Variants in THAP5 observed in about 807,000 individuals in gnomAD.
THAP5 encodes the protein THAP domain-containing protein 5.
In THAP5, 26 loss-of-function variants were observed where a neutral mutation model predicts 34.0. The observed-to-expected ratio is 0.77, with a 90% CI of 0.56 to 1.06. The LOEUF (loss-of-function observed/expected upper bound fraction) is 1.06. THAP5 is among the 50% of genes least tolerant of loss of function. THAP5 has a pLI of 0.00. For synonymous variants in THAP5, 125 were observed against 153.0 expected, an observed-to-expected ratio of 0.82 and a Z score of 1.35; for missense variants, 394 against 452.8, an observed-to-expected ratio of 0.87 and a Z score of 1.18.
chr7:108,551,071 T>C (rs1403760064), downstream of THAP5, among the ~76,000 whole-genome samples: 2 of 152,244 alleles, frequency 1.3e-5, no homozygotes, highest in African/African-American at 2.4e-5. Flanking sequence ...AAAGGTATCA[T>C]GTTTTTGTTT....
chr7:108,565,989 C>A lies in THAP5; in HGVS notation c.114G>T (p.Lys38Asn). ...AATCTCGCTTCATATTCTTTAACCA[C>A]TTTTCCAGTCTTTCTTTGTCATGTA... is the stretch of plus-strand genomic sequence containing the variant. The part of the protein sequence containing the change: ...FPLHDKERLE[K>N]WLKNMKRDSW... Residue 38 changes from lysine to asparagine, a missense_variant, in exon 2 of 3, where the codon AAG becomes AAT. By Grantham distance (94) the Lys-to-Asn change is moderately conservative (BLOSUM62 0). Transcript: ENST00000415914. 6.5e-7 allele frequency: 1 copy of A among 1,536,560 alleles called. No individual in the cohort carries two copies. The highest frequency in any genetic ancestry group is 8.8e-7 in the Non-Finnish European group (1 of 1,142,388).
At chr7:108,546,474 C>T in the THAP5 span, among the ~76,000 whole-genome samples, 1 of 152,102 alleles carries the variant, frequency 6.6e-6, no homozygotes, top group Non-Finnish European at 1.5e-5. Flanking sequence ...CACCGCTGCC[C>T]CTGAAAAGTT....
chr7:108,543,091 T>A, the THAP5 span, among the ~76,000 whole-genome samples: 1 of 151,888 alleles, frequency 6.6e-6, no homozygotes, highest in Non-Finnish European at 1.5e-5. Context: ...CACGCCCGGC[T>A]AATTTTTTTG....
chr7:108,553,427 G>T (rs1208665301), downstream of THAP5, among the ~76,000 whole-genome samples: 3 of 152,162 alleles, frequency 2.0e-5, no homozygotes, highest in Non-Finnish European at 2.9e-5. Flanking sequence ...CAGCATAACC[G>T]TAATTGCACT....
the THAP5 span, among the ~76,000 whole-genome samples, chr7:108,545,789 G>A: frequency 3.9e-5 from 6 of 152,048 alleles, no homozygotes; most frequent in Admixed American, 3.3e-4. Flanking sequence ...GAGTCTTAGA[G>A]TCAATATTTT....
chr7:108,564,824 G>A lies in THAP5; in HGVS notation c.555C>T (p.Asn185=), dbSNP rs141982321. ...KPESTLETSV[N]QDTGRGGFHT... ...GAAAACCACCTCTACCTGTATCTTGGTTAACTGATGTTTCCAAGGTAGATT... is the reference window on the plus strand; with the variant it reads ...GAAAACCACCTCTACCTGTATCTTGATTAACTGATGTTTCCAAGGTAGATT... The change falls in exon 3 of 3, where the codon AAC becomes AAT. Residue 185 remains asparagine (N), a synonymous_variant. Coordinates refer to ENST00000415914, the MANE Select transcript of THAP5 (RefSeq NM_001130475.3). 3.2e-3 allele frequency: 5,110 copies of A among 1,613,158 alleles called. 133 individuals carry two copies. In the African/African-American group the frequency reaches 0.06, roughly 19 times the overall value.
upstream of THAP5, chr7:108,569,720 C>T: frequency 2.0e-6 from 2 of 1,015,814 alleles, no homozygotes; most frequent in Non-Finnish European, 2.9e-6. Context: ...GACTCACTTC[C>T]GCCTCCTCCG....
In THAP5 at chr7:108,569,631, G is replaced by T; in HGVS notation, c.-62C>A. On this transcript the variant is annotated 5_prime_UTR_variant, in exon 1 of 3. Transcript: ENST00000415914. ...CGGATGCAGGGCGGCCCTCCTCACTGAGGATGCGCCACAGGTCCAGGCCTC... is the reference window on the plus strand; with the variant it reads ...CGGATGCAGGGCGGCCCTCCTCACTTAGGATGCGCCACAGGTCCAGGCCTC... 1 of 1,540,952 alleles carries T rather than the reference G, an allele frequency of 6.5e-7. No homozygotes were observed.
chr7:108,542,122 A>G, the THAP5 span, among the ~76,000 whole-genome samples: 1 of 152,166 alleles, frequency 6.6e-6, no homozygotes, highest in Non-Finnish European at 1.5e-5. Flanking sequence ...TTGTATTGCT[A>G]TTCTGTCACT....
chr7:108,551,160 A>G (rs969939641), downstream of THAP5, among the ~76,000 whole-genome samples: 1 of 152,178 alleles, frequency 6.6e-6, no homozygotes, highest in African/African-American at 2.4e-5. Context: ...TCTTATGACT[A>G]CATAATCTGT....
At position 108,564,329 on chromosome 7, in the gene THAP5, T is replaced by C. The variant is rs776178464; in HGVS notation, c.1050A>G (p.Leu350=). Residue 350 remains leucine (L), a synonymous_variant, in exon 3 of 3, where the codon TTA becomes TTG. Coordinates refer to ENST00000415914, the MANE Select transcript of THAP5 (RefSeq NM_001130475.3). ...KLHSKITLLE[L]KEQQTLGRLK... is the part of the protein sequence containing the mutation. Reference sequence around the variant, plus strand: ...ATCTACCTAGAGTTTGTTGCTCTTTTAACTCTAGAAGAGTTATCTTTGAAT... The same window carrying C: ...ATCTACCTAGAGTTTGTTGCTCTTTCAACTCTAGAAGAGTTATCTTTGAAT... 2.6e-5 allele frequency: 42 copies of C among 1,613,920 alleles called. 1 individual carries two copies. The highest frequency in any genetic ancestry group is 3.4e-5 in the Non-Finnish European group (40 of 1,179,898).
In THAP5 at chr7:108,564,579, T is replaced by A; in HGVS notation, c.800A>T (p.Asn267Ile). The stretch of plus-strand genomic sequence containing the variant: ...AAAAATGGCAATAACAGATTCTTTA[T>A]TTGTGTTTAATTCTTCAACTGTTTG... ...INQTVEELNT[N>I]KESVIAIFVP... Residue 267 changes from asparagine (N) to isoleucine (I), a missense_variant, in exon 3 of 3, where the codon AAT (asparagine) becomes ATT (isoleucine). Asn to Ile is a moderately radical substitution (Grantham distance 149, BLOSUM62 -3). Transcript: ENST00000415914. 6.2e-7 allele frequency: 1 copy of A among 1,613,924 alleles called. No individual in the cohort carries two copies.
At position 108,564,030 on chromosome 7, in the gene THAP5, T is replaced by A. The variant is rs1448550878; in HGVS notation, c.*161A>T. The A allele has an allele frequency of 4.4e-5, 24 of 543,150 alleles. No homozygotes were observed. Among genetic ancestry groups the A allele is most frequent in the Non-Finnish European group, 7.3e-5 (24 of 330,506 alleles). The allele number at this position is 543,150 out of a possible 1,614,324, so 33.6% of individuals were successfully genotyped here. On this transcript the variant is annotated 3_prime_UTR_variant, in exon 3 of 3. Transcript: ENST00000415914. ...TCCAGCCCAACTCTCTGGTTTTTCTTAAATAAGTATTACAAGAATAGGATA... is the reference window on the plus strand; with the variant it reads ...TCCAGCCCAACTCTCTGGTTTTTCTAAAATAAGTATTACAAGAATAGGATA...
downstream of THAP5, chr7:108,562,095 A>T (rs1375776191): frequency 3.9e-5 from 6 of 152,210 alleles, no homozygotes; most frequent in Non-Finnish European, 8.8e-5. Flanking sequence ...GTGCTCAAAA[A>T]GTTTCAGATT....
chr7:108,560,085 A>G (rs1687050931), downstream of THAP5, among the ~76,000 whole-genome samples: 1 of 152,238 alleles, frequency 6.6e-6, no homozygotes, highest in African/African-American at 2.4e-5. Flanking sequence ...TTATTAGTTC[A>G]TATTAGCTTT....
chr7:108,569,098 C>T (rs1471750436), intron 1 of THAP5: 2 of 1,045,878 alleles, frequency 1.9e-6, no homozygotes, highest in Non-Finnish European at 2.3e-6. Flanking sequence ...ATGCGACCTA[C>T]CTCGCGGGGG....
intron 1 of THAP5, among the ~76,000 whole-genome samples, chr7:108,556,922 T>C (rs1270970279): frequency 6.6e-6 from 1 of 152,226 alleles, no homozygotes; most frequent in Admixed American, 6.5e-5. Flanking sequence ...TTTCCATACA[T>C]ACTCTGAAAT....
chr7:108,555,851 C>T (rs1212394588), intron 1 of THAP5, among the ~76,000 whole-genome samples: 7 of 151,850 alleles, frequency 4.6e-5, no homozygotes, highest in African/African-American at 1.5e-4. Flanking sequence ...TACAGGCGAG[C>T]ACCACCATGC....
At chr7:108,560,565 A>G (rs1864419567), downstream of THAP5, among the ~76,000 whole-genome samples, 1 of 152,248 alleles carries the variant, frequency 6.6e-6, no homozygotes, top group Non-Finnish European at 1.5e-5. Flanking sequence ...GCTAATTAAC[A>G]GAGGAAGCTG....
Sources: allele counts gnomAD v4.1 joint callset (sites outside exome capture counted in the v4.1 genomes callset), GRCh38; gene constraint gnomAD v4.1.1; transcripts MANE v1.5; gene names NCBI Gene and HGNC (gene_info 2026-07-23, HGNC 2026-07-21).